Variants in HSD17B12 observed in about 807,000 individuals in gnomAD.
HSD17B12 encodes the protein very-long-chain 3-oxoacyl-CoA reductase.
HSD17B12 carries 32 observed loss-of-function variants against 39.3 expected under a neutral mutation model. The ratio of observed to expected loss-of-function variants is 0.81; its 90% CI spans 0.61 to 1.09. HSD17B12 has a LOEUF of 1.09. Among genes scored for constraint, HSD17B12 ranks in the 50% least tolerant of loss-of-function variants. The pLI is 0.00. For missense variants in HSD17B12, 342 were observed against 382.9 expected, an observed-to-expected ratio of 0.89 and a Z score of 0.89; for synonymous variants, 150 against 146.7, an observed-to-expected ratio of 1.02 and a Z score of -0.16.
At chr11:43,617,385 A>G in the HSD17B12 span, among the ~76,000 whole-genome samples, 3 of 151,750 alleles carry the variant, frequency 2.0e-5, no homozygotes, top group Admixed American at 2.0e-4. Context: ...TTGGGATGGT[A>G]AGATTGGGAG....
chr11:43,649,344 A>G, the HSD17B12 span, among the ~76,000 whole-genome samples: 1 of 152,130 alleles, frequency 6.6e-6, no homozygotes, highest in Admixed American at 6.5e-5. Flanking sequence ...TTTTAGACAC[A>G]TAGGATTCTG....
chr11:43,848,188 T>C (rs1306510295), intron 9 of HSD17B12, among the ~76,000 whole-genome samples: 1 of 152,216 alleles, frequency 6.6e-6, no homozygotes, highest in Non-Finnish European at 1.5e-5. Context: ...TCGCTGGAAA[T>C]GTTCATGTAT....
At chr11:43,666,127 A>AT in the HSD17B12 span, among the ~76,000 whole-genome samples, 1 of 151,350 alleles carries the variant, frequency 6.6e-6, no homozygotes, top group Non-Finnish European at 1.5e-5. Flanking sequence ...TCCTTCCTGC[A>AT]TTTTTTCCAC....
chr11:43,669,895 T>C, the HSD17B12 span, among the ~76,000 whole-genome samples: 1 of 152,098 alleles, frequency 6.6e-6, no homozygotes, highest in South Asian at 2.1e-4. Context: ...TTTAGGGAGA[T>C]ACACTGCAGC....
the HSD17B12 span, among the ~76,000 whole-genome samples, chr11:43,563,108 T>C: frequency 2.0e-5 from 3 of 152,114 alleles, no homozygotes; most frequent in African/African-American, 7.2e-5. Flanking sequence ...CATCTCCTAG[T>C]GGAGGACAGA....
chr11:43,821,180 C>T (rs1590327849), intron 6 of HSD17B12, among the ~76,000 whole-genome samples: 1 of 152,168 alleles, frequency 6.6e-6, no homozygotes, highest in East Asian at 1.9e-4. Flanking sequence ...TTAATCTTAT[C>T]CAGCATTTTG....
the HSD17B12 span, among the ~76,000 whole-genome samples, chr11:43,642,536 C>G: frequency 6.6e-6 from 1 of 151,592 alleles, no homozygotes; most frequent in African/African-American, 2.4e-5. Flanking sequence ...TATATGAGAT[C>G]AGTTTCATTT....
intron 8 of HSD17B12, among the ~76,000 whole-genome samples, chr11:43,839,505 G>C (rs1369387796): frequency 6.6e-6 from 1 of 152,128 alleles, no homozygotes; most frequent in Admixed American, 6.6e-5. Flanking sequence ...TGTATTATCA[G>C]AAGAAGATGG....
the HSD17B12 span, among the ~76,000 whole-genome samples, chr11:43,588,742 G>A: frequency 2.0e-5 from 3 of 151,562 alleles, no homozygotes; most frequent in East Asian, 5.8e-4. Context: ...ACAGATAAAA[G>A]ATAATCTTTT....
chr11:43,706,689 G>GGTGTGTGTGTGTGTGTGTGTGT lies in HSD17B12; in HGVS notation c.160+25713_160+25734dup, dbSNP rs147962977. On this transcript the variant is annotated intron_variant, in intron 1 of 10. Transcript: ENST00000278353. ...TCAAGCTTTGCTCTGTGAATGAAGG[G>GGTGTGTGTGTGTGTGTGTGTGT]GTGTGTGTGTGTGTGTGTGTGTGTG... Among the ~76,000 whole-genome samples, 367 of 137,892 alleles carry GGTGTGTGTGTGTGTGTGTGTGT rather than the reference G, an allele frequency of 2.7e-3. 2 individuals carry two copies. The highest frequency in any genetic ancestry group is 4.1e-3 in the Non-Finnish European group (265 of 63,992). The allele number at this position is 137,892 out of a possible 152,430, so 90.5% of individuals were successfully genotyped here. A position where few individuals can be genotyped will look rare whatever the true frequency, so the allele number is the denominator to read the frequency against.
intron 1 of HSD17B12, among the ~76,000 whole-genome samples, chr11:43,684,909 C>T (rs921295791): frequency 6.6e-6 from 1 of 152,180 alleles, no homozygotes; most frequent in African/African-American, 2.4e-5. Flanking sequence ...TTTCTGTCTA[C>T]GTAGGTTTGC....
intron 6 of HSD17B12, among the ~76,000 whole-genome samples, chr11:43,826,644 G>A (rs938556636): frequency 3.5e-5 from 5 of 144,240 alleles, no homozygotes; most frequent in African/African-American, 1.3e-4. Context: ...TAATAAAAAG[G>A]GAAATCAAAT....
chr11:43,640,207 G>C, the HSD17B12 span, among the ~76,000 whole-genome samples: 1 of 152,046 alleles, frequency 6.6e-6, no homozygotes, highest in Admixed American at 6.6e-5. Context: ...TGGGGAGGGG[G>C]GAAAGCAGCA....
chr11:43,690,390 A>ATT (rs1196143107), intron 1 of HSD17B12, among the ~76,000 whole-genome samples: 92 of 14,574 alleles, frequency 6.3e-3, no homozygotes, highest in Non-Finnish European at 7.6e-3. Flanking sequence ...ATATATATAT[A>ATT]TATATATATA....
At chr11:43,633,949 C>T in the HSD17B12 span, among the ~76,000 whole-genome samples, 1 of 151,508 alleles carries the variant, frequency 6.6e-6, no homozygotes, top group Non-Finnish European at 1.5e-5. Context: ...TGGCGCATGC[C>T]TGTAATCCCA....
At chr11:43,679,369 A>G (rs1191013967), upstream of HSD17B12, among the ~76,000 whole-genome samples, 1 of 152,216 alleles carries the variant, frequency 6.6e-6, no homozygotes, top group Non-Finnish European at 1.5e-5. Flanking sequence ...GGAGAAAGAA[A>G]TAAAGAGTAT....
chr11:43,585,765 T>G, the HSD17B12 span, among the ~76,000 whole-genome samples: 1 of 152,196 alleles, frequency 6.6e-6, no homozygotes, highest in East Asian at 1.9e-4. Flanking sequence ...TTCCAAGAGG[T>G]TCACATCTTC....
intron 1 of HSD17B12, among the ~76,000 whole-genome samples, chr11:43,694,781 G>A (rs564284488): frequency 3.8e-4 from 58 of 152,192 alleles, no homozygotes; most frequent in Non-Finnish European, 6.3e-4. Context: ...GCTCATTAAC[G>A]TTACATTCTA....
chr11:43,801,583 T>A (rs1009141272), intron 4 of HSD17B12, among the ~76,000 whole-genome samples: 1 of 122,692 alleles, frequency 8.2e-6, no homozygotes, highest in Non-Finnish European at 1.8e-5. Flanking sequence ...ACTTGTTTAG[T>A]TGATAGTTGG....
Sources: allele counts gnomAD v4.1 joint callset (sites outside exome capture counted in the v4.1 genomes callset), GRCh38; gene constraint gnomAD v4.1.1; transcripts MANE v1.5; gene names NCBI Gene and HGNC (gene_info 2026-07-23, HGNC 2026-07-21).